ZNF541: variants seen among roughly 807,000 people sequenced by gnomAD.
ZNF541 encodes zinc finger protein 541.
A neutral mutation model predicts 123.5 loss-of-function variants in ZNF541; 23 were observed. The ratio of observed to expected loss-of-function variants is 0.19; its 90% CI spans 0.13 to 0.26. The LOEUF (loss-of-function observed/expected upper bound fraction) is 0.26. Ranked by LOEUF, ZNF541 falls within the 10% of genes least tolerant of loss-of-function variation. The pLI is 1.00. For synonymous variants in ZNF541, 751 were observed against 754.5 expected (o/e 1.00, Z 0.08); for missense variants, 1,612 against 1,789.9 (o/e 0.90, Z 1.79).
intron 2 of ZNF541, among the ~76,000 whole-genome samples, chr19:47,561,461 TA>T (rs905097790): frequency 8.0e-4 from 121 of 151,856 alleles, no homozygotes; most frequent in African/African-American, 2.8e-3. Context: ...AATTAAGTAT[TA>T]AAAAAATTAA....
At chr19:47,549,070 A>T (rs1342100447) in intron 4 of ZNF541, among the ~76,000 whole-genome samples, 175 bp downstream of exon 4, 4 of 151,548 alleles carry the variant, frequency 2.6e-5, no homozygotes, top group South Asian at 2.1e-4. Flanking sequence ...CAGACAAAAA[A>T]AAAAAAAAAG....
At chr19:47,533,022 G>T in intron 9 of ZNF541, 50 bp from the exon 10 acceptor site, 1 of 1,516,956 alleles carries the variant, frequency 6.6e-7, no homozygotes, top group Non-Finnish European at 8.9e-7. Flanking sequence ...GCAGGTAACC[G>T]ACAGGGTCCT....
At chr19:47,559,977 G>A (rs1418796376) in intron 2 of ZNF541, among the ~76,000 whole-genome samples, 1 of 152,070 alleles carries the variant, frequency 6.6e-6, no homozygotes, top group Admixed American at 6.6e-5. Flanking sequence ...CCATGTTTCT[G>A]GTGTGGGTTC....
chr19:47,523,586 CCT>C (rs1247453303), intron 14 of ZNF541, among the ~76,000 whole-genome samples: 5 of 152,044 alleles, frequency 3.3e-5, no homozygotes, highest in African/African-American at 1.2e-4. Flanking sequence ...CCAGATTTAC[CCT>C]CTCGTCCAAA....
intron 2 of ZNF541, among the ~76,000 whole-genome samples, chr19:47,559,611 A>G (rs1483631031): frequency 6.6e-6 from 1 of 152,078 alleles, no homozygotes; most frequent in Non-Finnish European, 1.5e-5. Context: ...GCACTTTAGG[A>G]GGCCGAGATG....
chr19:47,549,934 T>C (rs958281496), intron 3 of ZNF541, among the ~76,000 whole-genome samples: 1 of 152,140 alleles, frequency 6.6e-6, no homozygotes, highest in Non-Finnish European at 1.5e-5. Flanking sequence ...TCATACTGCT[T>C]TTCCTGGTGA....
intron 14 of ZNF541, among the ~76,000 whole-genome samples, chr19:47,528,478 G>A (rs147258894): frequency 0.014 from 2,103 of 151,544 alleles, 31 homozygotes; most frequent in Middle Eastern, 0.055. Flanking sequence ...CACCATGCCC[G>A]GCTAATTTTT....
rs890198740 is a variant in ZNF541, at chr19:47,529,631, G to A, written c.3427C>T (p.Leu1143Phe). Reference protein sequence around the residue: ...NVQVALETLLLRGPHKPRTHL... With the variant: ...NVQVALETLLFRGPHKPRTHL... Reference sequence around the variant, plus strand: ...GTCCGTGGCTTGTGGGGCCCTCGGAGCAGAAGAGTCTCCAGGGCGACCTGG... The same window carrying A: ...GTCCGTGGCTTGTGGGGCCCTCGGAACAGAAGAGTCTCCAGGGCGACCTGG... The change falls in exon 13 of 17, where the codon CTC (leucine) becomes TTC (phenylalanine). Residue 1143 changes from leucine (L) to phenylalanine (F), a missense_variant. Leu to Phe is a conservative substitution (Grantham distance 22). Around this residue, in one of 5 missense-constraint regions of ZNF541, gnomAD observed 285 missense variants for 407.3 expected, o/e 0.70. Coordinates refer to ENST00000391901, the MANE Select transcript of ZNF541 (RefSeq NM_001277075.3). 1 of 1,551,694 alleles carries A rather than the reference G, an allele frequency of 6.4e-7. No homozygotes were observed. The highest frequency in any genetic ancestry group is 1.2e-5 in the South Asian group (1 of 84,064).
chr19:47,540,908 T>A lies in ZNF541; in HGVS notation c.2447A>T (p.Asn816Ile). Residue 816 changes from asparagine (N) to isoleucine (I), a missense_variant, in exon 6 of 17, where the codon AAT becomes ATT. Transcript: ENST00000391901. ...YRLPHPVKEE[N>I]VAGRGNQQNG... Reference sequence around the variant, plus strand: ...CTTAACTTACCCTCTGCCTGCCACATTCTCTTCCTTCACCGGATGGGGGAG... The same window carrying A: ...CTTAACTTACCCTCTGCCTGCCACAATCTCTTCCTTCACCGGATGGGGGAG... 1 of 1,551,268 alleles carries A rather than the reference T, an allele frequency of 6.4e-7. No homozygotes were observed. The highest frequency in any genetic ancestry group is 8.7e-7 in the Non-Finnish European group (1 of 1,146,850).
rs150949262 is a variant in ZNF541, at chr19:47,556,463, T to C, written c.-98-509A>G. On this transcript the variant is annotated intron_variant, in intron 2 of 16. Transcript: ENST00000391901. ...ATTTTTTCTTTTAATTTTTTACAGA[T>C]ATCAAATCGAAAATGGATAATTTTT... 3.0e-3 allele frequency among the ~76,000 whole-genome samples: 456 copies of C among 152,318 alleles called. 3 individuals carry two copies. The highest frequency in any genetic ancestry group is 0.011 in the African/African-American group (437 of 41,572).
Position 47,540,188 on chromosome 19 carries a change from C to T in ZNF541, c.2610G>A (p.Lys870=). The T allele has an allele frequency of 6.4e-7, 1 of 1,550,864 alleles. No individual in the cohort carries two copies. ...HSDQWPSPRG[K]QEPQVFGTEF... ...CGTCCCCCTTCACCTGCGGTTCCTG[C>T]TTCCCTCGAGGTGACGGCCACTGGT... The change falls in exon 7 of 17, where the codon AAG becomes AAA. Residue 870 remains lysine, a synonymous_variant. Coordinates refer to ENST00000391901, the MANE Select transcript of ZNF541 (RefSeq NM_001277075.3).
At chr19:47,533,022 G>A (rs952723016) in intron 9 of ZNF541, 50 bp from the exon 10 acceptor site, 68 of 1,516,838 alleles carry the variant, frequency 4.5e-5, no homozygotes, top group African/African-American at 1.1e-4. Flanking sequence ...GCAGGTAACC[G>A]ACAGGGTCCT....
At chr19:47,532,692 T>C (rs1020284050) in intron 10 of ZNF541, among the ~76,000 whole-genome samples, 1 of 152,010 alleles carries the variant, frequency 6.6e-6, no homozygotes, top group Non-Finnish European at 1.5e-5. Context: ...CTAGAAGGAA[T>C]AATTTGGGGG....
In ZNF541 at chr19:47,540,874, C is replaced by T. The variant is rs761031111; in HGVS notation, c.2462+19G>A. On this transcript the variant is annotated intron_variant, in intron 6 of 16. Transcript: ENST00000391901. ...ACTCCTGCCAGGGTGCATGCAGGAT[C>T]GGGGGCTTCTTAACTTACCCTCTGC... The T allele has an allele frequency of 4.6e-5, 72 of 1,550,600 alleles. No individual in the cohort carries two copies. The highest frequency in any genetic ancestry group is 2.4e-4 in the South Asian group (20 of 83,824).
In ZNF541 at chr19:47,541,020, CT is replaced by C. The variant is rs1970058814; in HGVS notation, c.2404-70del. ...AGGCAAGAAGAGCTCAAATTACAGA[CT>C]TTTAGAAGAAAACATCAGAGTAAAT... On this transcript the variant is annotated intron_variant, in intron 5 of 16. Coordinates refer to ENST00000391901, the MANE Select transcript of ZNF541 (RefSeq NM_001277075.3). 1.3e-5 allele frequency: 18 copies of C among 1,433,802 alleles called. No homozygotes were observed. In the South Asian group the frequency reaches 2.3e-4, roughly 19 times the overall value. The allele number at this position is 1,433,802 out of a possible 1,614,324, so 88.8% of individuals were successfully genotyped here.
intron 2 of ZNF541, among the ~76,000 whole-genome samples, chr19:47,570,660 T>A (rs1971445181): frequency 6.6e-6 from 1 of 151,562 alleles, no homozygotes; most frequent in African/African-American, 2.4e-5. Flanking sequence ...TAAAATCAAT[T>A]AATAAACATT....
At chr19:47,540,852 C>T (rs1970051279) in intron 6 of ZNF541, 41 bp downstream of exon 6, 7 of 1,547,114 alleles carry the variant, frequency 4.5e-6, no homozygotes, top group Non-Finnish European at 5.2e-6. Flanking sequence ...CCAGAGGACT[C>T]CTGCCAGGGT....
chr19:47,552,970 G>T (rs559384860), intron 3 of ZNF541, among the ~76,000 whole-genome samples: 180 of 150,896 alleles, frequency 1.2e-3, no homozygotes, highest in Non-Finnish European at 1.9e-3. Flanking sequence ...TTAGCTGGGC[G>T]TGGTGGGGGA....
intron 5 of ZNF541, among the ~76,000 whole-genome samples, chr19:47,542,085 C>T (rs1363822992): frequency 1.3e-5 from 2 of 152,156 alleles, no homozygotes; most frequent in Non-Finnish European, 2.9e-5. Flanking sequence ...TGCCACCCCA[C>T]GGATGAGCCT....
Sources: gnomAD v4.1 joint callset for allele counts (sites outside exome capture counted in the v4.1 genomes callset) on GRCh38, gnomAD v4.1.1 for gene constraint, gnomAD v4.1.1 regional missense constraint, MANE v1.5 for transcripts, NCBI Gene and HGNC (gene_info 2026-07-23, HGNC 2026-07-21) for gene names.